Variants in ANO6 observed in about 807,000 individuals in gnomAD.
ANO6 encodes the protein anoctamin-6.
A neutral mutation model predicts 117.5 loss-of-function variants in ANO6; 106 were observed. That is an observed-to-expected ratio of 0.90 (90% CI 0.77 to 1.06). The LOEUF (loss-of-function observed/expected upper bound fraction) is 1.06, where lower values mean the gene tolerates loss of function less well. Ranked by LOEUF, ANO6 falls within the 50% of genes least tolerant of loss-of-function variation. The pLI, the probability that ANO6 is intolerant of heterozygous loss-of-function variation, is 0.00. For missense variants in ANO6, 955 were observed against 1,121.1 expected (o/e 0.85, Z 2.12); for synonymous variants, 367 against 385.1 (o/e 0.95, Z 0.55).
At chr12:45,346,948 A>G (rs1304937718) in intron 3 of ANO6, 74 bp from the exon 4 acceptor site, 10 of 1,367,568 alleles carry the variant, frequency 7.3e-6, no homozygotes, top group Admixed American at 1.7e-5. Context: ...TGTTATTAAT[A>G]TTGTTTTAAA....
At chr12:45,305,848 C>G (rs909752759) in intron 2 of ANO6, among the ~76,000 whole-genome samples, 2 of 152,012 alleles carry the variant, frequency 1.3e-5, no homozygotes, top group African/African-American at 2.4e-5. Flanking sequence ...CAAAGGAGAT[C>G]TAAGGGGCAG....
chr12:45,390,659 C>A lies in ANO6; in HGVS notation c.1386+161C>A, dbSNP rs563110448. On this transcript the variant is annotated intron_variant, in intron 12 of 19. Coordinates refer to ENST00000320560, the MANE Select transcript of ANO6 (RefSeq NM_001025356.3). ...AGATATTTCCAGATAACTATTTTAG[C>A]CACCACATAGAGCAACTCCCAAGGT... 2.6e-5 allele frequency among the ~76,000 whole-genome samples: 4 copies of A among 152,264 alleles called. No individual in the cohort carries two copies. In the East Asian group the frequency reaches 7.7e-4, roughly 29 times the overall value.
intron 12 of ANO6, among the ~76,000 whole-genome samples, chr12:45,399,438 CCCG>C (rs1486121227): frequency 3.9e-5 from 6 of 152,088 alleles, no homozygotes; most frequent in Admixed American, 1.3e-4. Flanking sequence ...TCATGATCTG[CCCG>C]CCGCAGCCCC....
intron 9 of ANO6, among the ~76,000 whole-genome samples, chr12:45,371,018 C>T (rs951719601): frequency 2.6e-5 from 4 of 152,114 alleles, no homozygotes; most frequent in Admixed American, 6.5e-5. Context: ...GTGCGCGAGC[C>T]GAAGCAGGGT....
intron 1 of ANO6, among the ~76,000 whole-genome samples, chr12:45,229,397 T>TG (rs991194122): frequency 6.9e-6 from 1 of 145,728 alleles, no homozygotes; most frequent in African/African-American, 2.6e-5. Context: ...TTAGTTTTTT[T>TG]TTTTTTTTTT....
intron 1 of ANO6, among the ~76,000 whole-genome samples, chr12:45,301,173 T>C (rs772659646): frequency 4.6e-5 from 7 of 152,220 alleles, no homozygotes; most frequent in Non-Finnish European, 7.3e-5. Context: ...TGATTACATG[T>C]TCAAATGATA....
At chr12:45,353,666 C>G (rs1177754618) in intron 7 of ANO6, among the ~76,000 whole-genome samples, 1 of 152,094 alleles carries the variant, frequency 6.6e-6, no homozygotes, top group Admixed American at 6.5e-5. Context: ...TGGGCTCTTT[C>G]CATTTTGTTC....
At chr12:45,365,111 T>C (rs1941651327) in intron 8 of ANO6, among the ~76,000 whole-genome samples, 1 of 152,234 alleles carries the variant, frequency 6.6e-6, no homozygotes, top group Non-Finnish European at 1.5e-5. Flanking sequence ...TAATTTTCGT[T>C]TCTCTGCCTT....
chr12:45,219,374 C>G (rs1302934090), intron 1 of ANO6, among the ~76,000 whole-genome samples: 1 of 152,196 alleles, frequency 6.6e-6, no homozygotes, highest in African/African-American at 2.4e-5. Flanking sequence ...GGGTCTCCCT[C>G]TGTCAGGCTG....
chr12:45,352,005 C>T (rs1012859994), intron 7 of ANO6, among the ~76,000 whole-genome samples: 2 of 151,756 alleles, frequency 1.3e-5, no homozygotes, highest in Non-Finnish European at 2.9e-5. Flanking sequence ...GGAGTCGGGT[C>T]GACAGGACTT....
intron 1 of ANO6, among the ~76,000 whole-genome samples, chr12:45,295,471 C>T (rs994925479): frequency 6.6e-6 from 1 of 152,210 alleles, no homozygotes; most frequent in Non-Finnish European, 1.5e-5. Context: ...TGAGACTGGG[C>T]AGGCCCAGCA....
At chr12:45,424,439 C>T (rs971074085) in intron 19 of ANO6, among the ~76,000 whole-genome samples, 1 of 148,024 alleles carries the variant, frequency 6.8e-6, no homozygotes, top group African/African-American at 2.5e-5. Context: ...CCAGGTTCAG[C>T]CAATTCTCCT....
At chr12:45,362,027 T>C (rs1307645415) in intron 8 of ANO6, among the ~76,000 whole-genome samples, 2 of 152,132 alleles carry the variant, frequency 1.3e-5, no homozygotes, top group Non-Finnish European at 2.9e-5. Flanking sequence ...GTGTTCCCTC[T>C]TCTTTGTTTT....
In ANO6 at chr12:45,374,981, A is replaced by C. The variant is rs566918686; in HGVS notation, c.1105-3072A>C. On this transcript the variant is annotated intron_variant, in intron 9 of 19. Transcript: ENST00000320560. ...CATTGTCTCAGCCCAAAATCTCCTT[A>C]AGCTGATAAGCAACTTCAGCAAAGT... Among the ~76,000 whole-genome samples, 35 of 151,768 alleles carry C rather than the reference A, an allele frequency of 2.3e-4. No homozygotes were observed. In the South Asian group the frequency reaches 7.1e-3, roughly 31 times the overall value.
intron 8 of ANO6, among the ~76,000 whole-genome samples, chr12:45,358,174 T>A (rs1941461967): frequency 6.6e-6 from 1 of 152,206 alleles, no homozygotes; most frequent in Admixed American, 6.5e-5. Flanking sequence ...CAGATAAAAA[T>A]TTCTGGGCAC....
chr12:45,401,790 T>A lies in ANO6; in HGVS notation c.1387-5T>A. Reference sequence around the variant, plus strand: ...CTCATGCTACTGTGTTTGTTGTGCTTTCAGATCCTATTGATCATCGCTTCA... The same window carrying A: ...CTCATGCTACTGTGTTTGTTGTGCTATCAGATCCTATTGATCATCGCTTCA... On this transcript the variant is annotated splice_region_variant and splice_polypyrimidine_tract_variant and intron_variant, in intron 12 of 19. Coordinates refer to ENST00000320560, the MANE Select transcript of ANO6 (RefSeq NM_001025356.3). The A allele has an allele frequency of 3.1e-6, 5 of 1,612,428 alleles. No individual in the cohort carries two copies. The highest frequency in any genetic ancestry group is 4.2e-6 in the Non-Finnish European group (5 of 1,178,868).
chr12:45,306,765 G>A (rs996641527), intron 2 of ANO6, among the ~76,000 whole-genome samples: 26 of 151,788 alleles, frequency 1.7e-4, no homozygotes, highest in Non-Finnish European at 7.4e-5. Flanking sequence ...CATTTTGATG[G>A]GGGAGACATA....
intron 1 of ANO6, among the ~76,000 whole-genome samples, chr12:45,221,877 CT>C (rs71093866): frequency 0.051 from 6,420 of 124,750 alleles, 267 homozygotes; most frequent in African/African-American, 0.14. Flanking sequence ...TCCCCGACTC[CT>C]TTTTTTTTTT....
chr12:45,289,506 A>G (rs1939027730), intron 1 of ANO6, among the ~76,000 whole-genome samples: 1 of 152,182 alleles, frequency 6.6e-6, no homozygotes, highest in African/African-American at 2.4e-5. Context: ...CCAAATTGCT[A>G]CCCAAAAAGC....
Sources: allele counts gnomAD v4.1 joint callset (sites outside exome capture counted in the v4.1 genomes callset), GRCh38; gene constraint gnomAD v4.1.1; transcripts MANE v1.5; gene names NCBI Gene and HGNC (gene_info 2026-07-23, HGNC 2026-07-21).